The following SLC9A9 variants were observed in gnomAD, a reference collection of about 807,000 sequenced individuals.
The protein encoded by SLC9A9 is solute carrier family 9 member A9.
In SLC9A9, 62 loss-of-function variants were observed where a neutral mutation model predicts 77.8. The ratio of observed to expected loss-of-function variants is 0.80; its 90% confidence interval spans 0.65 to 0.98. The LOEUF (loss-of-function observed/expected upper bound fraction) is 0.98, where lower values mean the gene tolerates loss of function less well. SLC9A9 is among the 50% of genes least tolerant of loss of function. The pLI is 0.00. For missense variants in SLC9A9, 775 were observed against 774.9 expected, an observed-to-expected ratio of 1.00 and a Z score of 0.00; for synonymous variants, 320 against 283.5, an observed-to-expected ratio of 1.13 and a Z score of -1.29.
intron 14 of SLC9A9, among the ~76,000 whole-genome samples, chr3:143,315,686 T>C (rs990928049): frequency 6.6e-6 from 1 of 152,362 alleles, no homozygotes; most frequent in Non-Finnish European, 1.5e-5. Context: ...AGAGATTGAA[T>C]GATACTCACT....
In SLC9A9 at chr3:143,784,589, G is replaced by A. The variant is rs2007987659; in HGVS notation, c.533+10412C>T. The stretch of plus-strand genomic sequence containing the variant: ...GCCCTGGCTGGTCTCTAACTCCTGG[G>A]CTCAAGTGCTCCACCTGCCTCAGCC... On this transcript the variant is annotated intron_variant, in intron 4 of 15. Transcript: ENST00000316549. 2.0e-5 allele frequency among the ~76,000 whole-genome samples: 3 copies of A among 151,514 alleles called. No individual in the cohort carries two copies. In the South Asian group the frequency reaches 6.3e-4, roughly 32 times the overall value.
Position 143,606,508 on chromosome 3 carries a change from A to G in SLC9A9, c.756-27785T>C, listed in dbSNP as rs991712337. ...GGAAGGCAGATAATTTAAAAACATTAAAAAGAAGAGCTAGTAGTGTAAAAA... is the reference window on the plus strand; with the variant it reads ...GGAAGGCAGATAATTTAAAAACATTGAAAAGAAGAGCTAGTAGTGTAAAAA... On this transcript the variant is annotated intron_variant, in intron 6 of 15. Transcript: ENST00000316549. Among the ~76,000 whole-genome samples the G allele has an allele frequency of 4.7e-5, 7 of 148,094 alleles. No individual in the cohort carries two copies. The East Asian group carries it at 9.8e-4, about 21-fold the overall frequency.
At chr3:143,751,560 G>A (rs1390676201) in intron 4 of SLC9A9, among the ~76,000 whole-genome samples, 2 of 152,136 alleles carry the variant, frequency 1.3e-5, no homozygotes, top group Non-Finnish European at 2.9e-5. Flanking sequence ...CTTGGGGTCA[G>A]CTGGGGCTTT....
At chr3:143,708,061 C>T (rs551802801) in intron 4 of SLC9A9, among the ~76,000 whole-genome samples, 6 of 152,168 alleles carry the variant, frequency 3.9e-5, no homozygotes, top group African/African-American at 1.4e-4. Context: ...CTTCAAGGTT[C>T]TTGGAGGAAA....
At chr3:143,627,536 C>A in intron 6 of SLC9A9, 1 of 295,960 alleles carries the variant, frequency 3.4e-6, no homozygotes, top group South Asian at 4.2e-5. Context: ...GGCGGTGACT[C>A]GCAGCAGAAG....
At chr3:143,539,665 C>T (rs1026239638) in intron 9 of SLC9A9, among the ~76,000 whole-genome samples, 1 of 152,062 alleles carries the variant, frequency 6.6e-6, no homozygotes, top group African/African-American at 2.4e-5. Flanking sequence ...TATGCCATTG[C>T]CATCCTTAGA....
intron 12 of SLC9A9, among the ~76,000 whole-genome samples, chr3:143,428,072 T>C (rs1202111779): frequency 6.6e-6 from 1 of 152,026 alleles, no homozygotes; most frequent in East Asian, 1.9e-4. Context: ...GAAACTAAAA[T>C]TAGACAAATA....
At chr3:143,302,593 G>A (rs1466952754) in intron 14 of SLC9A9, among the ~76,000 whole-genome samples, 1 of 151,986 alleles carries the variant, frequency 6.6e-6, no homozygotes, top group Non-Finnish European at 1.5e-5. Flanking sequence ...AATAGCAGGA[G>A]GGAAGGAAAT....
chr3:143,501,741 A>G (rs376015391), intron 9 of SLC9A9, among the ~76,000 whole-genome samples: 4 of 151,074 alleles, frequency 2.6e-5, no homozygotes, highest in East Asian at 3.9e-4. Flanking sequence ...TATTTATATC[A>G]CGTAACAACA....
At chr3:143,424,739 C>CA (rs2034372277) in intron 12 of SLC9A9, among the ~76,000 whole-genome samples, 1 of 152,142 alleles carries the variant, frequency 6.6e-6, no homozygotes, top group Non-Finnish European at 1.5e-5. Flanking sequence ...AAAACAAAAG[C>CA]AAGAAAGAAT....
intron 14 of SLC9A9, among the ~76,000 whole-genome samples, chr3:143,324,627 G>C (rs2031522412): frequency 1.3e-5 from 2 of 152,026 alleles, no homozygotes; most frequent in Admixed American, 6.6e-5. Context: ...TTTGAGATCA[G>C]CCTGGGCAAC....
chr3:143,496,032 C>T (rs892459627), intron 9 of SLC9A9, among the ~76,000 whole-genome samples: 4 of 152,196 alleles, frequency 2.6e-5, no homozygotes, highest in African/African-American at 7.2e-5. Flanking sequence ...ATTAAATTGA[C>T]TGATGTAGGT....
At chr3:143,486,991 T>C (rs1486216312) in intron 11 of SLC9A9, among the ~76,000 whole-genome samples, 1 of 151,978 alleles carries the variant, frequency 6.6e-6, no homozygotes, top group Non-Finnish European at 1.5e-5. Context: ...TTTGGCAGAA[T>C]GGATGAAAAC....
chr3:143,619,747 C>T (rs1014729333), intron 6 of SLC9A9, among the ~76,000 whole-genome samples: 2 of 152,188 alleles, frequency 1.3e-5, no homozygotes, highest in East Asian at 1.9e-4. Flanking sequence ...AGGACCAAGT[C>T]GAAGCACTTC....
chr3:143,386,811 C>T lies in SLC9A9; in HGVS notation c.1470-4697G>A, dbSNP rs117965120. 8.1e-4 allele frequency among the ~76,000 whole-genome samples: 123 copies of T among 152,118 alleles called. 5 individuals carry two copies. In the East Asian group the frequency reaches 0.02, roughly 25 times the overall value. ...AACATTATTTCTGTTTAAAGAGGGC[C>T]AAGTTTCCCAGGTTTTGATTTTTTT... On this transcript the variant is annotated intron_variant, in intron 12 of 15. Coordinates refer to ENST00000316549, the MANE Select transcript of SLC9A9 (RefSeq NM_173653.4).
intron 14 of SLC9A9, among the ~76,000 whole-genome samples, chr3:143,279,412 C>T (rs1413520155): frequency 1.3e-5 from 2 of 152,168 alleles, no homozygotes; most frequent in Non-Finnish European, 2.9e-5. Flanking sequence ...TGTTGGGCAT[C>T]AGATTTTTAA....
intron 9 of SLC9A9, chr3:143,503,211 G>A: frequency 9.8e-6 from 2 of 204,486 alleles, no homozygotes; most frequent in Non-Finnish European, 9.7e-6. Context: ...ACTAAGTGGG[G>A]CAGGGACTGC....
intron 5 of SLC9A9, among the ~76,000 whole-genome samples, chr3:143,674,468 G>A (rs2108767801): frequency 6.6e-6 from 1 of 152,256 alleles, no homozygotes; most frequent in East Asian, 1.9e-4. Flanking sequence ...TCTCTTAGAT[G>A]CTTTCACCCA....
chr3:143,547,812 C>T (rs923265623), intron 9 of SLC9A9, among the ~76,000 whole-genome samples: 41 of 152,194 alleles, frequency 2.7e-4, no homozygotes, highest in Non-Finnish European at 8.8e-5. Context: ...GCTACTCTTC[C>T]CTGCTTTATT....
Sources: gnomAD v4.1 joint callset for allele counts (sites outside exome capture counted in the v4.1 genomes callset) on GRCh38, gnomAD v4.1.1 for gene constraint, MANE v1.5 for transcripts, NCBI Gene and HGNC (gene_info 2026-07-23, HGNC 2026-07-21) for gene names.